The following PC variants were observed in gnomAD, a reference collection of about 807,000 sequenced individuals.
The protein encoded by PC is pyruvate carboxylase.
A neutral mutation model predicts 107.8 loss-of-function variants in PC; 46 were observed. That is an observed-to-expected ratio of 0.43 (90% CI 0.34 to 0.55). The LOEUF is 0.55. PC is among the 20% of genes least tolerant of loss of function. The pLI is 0.04. For missense variants in PC, 1,241 were observed against 1,643.1 expected (o/e 0.76, Z 4.23); for synonymous variants, 662 against 684.7 (o/e 0.97, Z 0.52).
intron 11 of PC, among the ~76,000 whole-genome samples, chr11:66,864,874 G>T (rs1355694298): frequency 6.6e-6 from 1 of 152,178 alleles, no homozygotes; most frequent in East Asian, 1.9e-4. Context: ...GAAGGGGAGT[G>T]GGGGGACCGC....
chr11:66,936,081 A>C (rs1471585510), intron 3 of PC, among the ~76,000 whole-genome samples: 1 of 105,222 alleles, frequency 9.5e-6, no homozygotes, highest in African/African-American at 4.3e-5. Context: ...CCTGTCTCAA[A>C]AAAAAAAAAA....
At chr11:66,864,225 C>A (rs953166550) in intron 11 of PC, among the ~76,000 whole-genome samples, 2 of 152,232 alleles carry the variant, frequency 1.3e-5, no homozygotes, top group Non-Finnish European at 2.9e-5. Flanking sequence ...GAATGCCTGC[C>A]GCAGAGCGGG....
intron 3 of PC, among the ~76,000 whole-genome samples, chr11:66,938,174 TTTC>T (rs1275700731): frequency 2.0e-5 from 3 of 152,258 alleles, no homozygotes; most frequent in African/African-American, 7.2e-5. Context: ...TGAACCATAC[TTTC>T]TTGTTTCTTT....
At position 66,850,281 on chromosome 11, in the gene PC, T is replaced by C. The variant is rs796052027; in HGVS notation, c.2657A>G (p.Lys886Arg). ...FQAHSMGLGSKFKEVKKAYVE... is the reference protein window; with the variant it reads ...FQAHSMGLGSRFKEVKKAYVE... ...ATAGGCCTTCTTGACCTCCTTGAAC[T>C]TGGAGCCAAGCCCCATGCTGTGGGC... Residue 886 changes from lysine to arginine, a missense_variant, in exon 19 of 23, where the codon AAG becomes AGG. Transcript: ENST00000393960. The C allele has an allele frequency of 2.9e-5, 46 of 1,613,978 alleles. No homozygotes were observed. Among genetic ancestry groups the C allele is most frequent in the Non-Finnish European group, 3.7e-5 (44 of 1,180,022 alleles).
intron 3 of PC, among the ~76,000 whole-genome samples, chr11:66,879,603 T>G (rs1013691711): frequency 6.6e-6 from 1 of 152,112 alleles, no homozygotes; most frequent in Admixed American, 6.5e-5. Flanking sequence ...TGGGCTGCAA[T>G]CAGGGGAAGG....
rs1409666621 is a variant in PC, at chr11:66,858,751, T to TA, written c.1368+5022dup. ...GCCCGGGCTTTCCCCAACGGGACCT[T>TA]AGAGATTGGGGTGACCGGCGCTGGG... On this transcript the variant is annotated intron_variant, in intron 12 of 22. Coordinates refer to ENST00000393960, the MANE Select transcript of PC (RefSeq NM_001040716.2). The surrounding 1 kb of genome is among the most constrained non-coding windows in gnomAD (Gnocchi z 5.9). 1.9e-6 allele frequency: 3 copies of TA among 1,554,074 alleles called. No individual in the cohort carries two copies. Among genetic ancestry groups the TA allele is most frequent in the Non-Finnish European group, 2.6e-6 (3 of 1,149,202 alleles).
At chr11:66,853,887 C>T (rs1565217751) in intron 12 of PC, among the ~76,000 whole-genome samples, 1 of 152,272 alleles carries the variant, frequency 6.6e-6, no homozygotes. Flanking sequence ...ACACCACATG[C>T]TCCCCAGGAG....
intron 3 of PC, among the ~76,000 whole-genome samples, chr11:66,922,988 C>G (rs1199578706): frequency 2.0e-5 from 3 of 152,192 alleles, no homozygotes; most frequent in Non-Finnish European, 4.4e-5. Context: ...AATGGCCCAC[C>G]ATTGCTGCCA....
chr11:66,887,549 G>C (rs1947418416), intron 3 of PC, among the ~76,000 whole-genome samples: 1 of 152,158 alleles, frequency 6.6e-6, no homozygotes. Context: ...TTAGAAGATA[G>C]TTTGGGACAT....
rs1205790880 is a variant in PC, at chr11:66,851,297, G to A, written c.1983-17C>T. ...TCACAGAACCTGCAAGGGTGAGAGA[G>A]CCCAGGGCTGAGCCCCACCCCACCT... On this transcript the variant is annotated splice_polypyrimidine_tract_variant and intron_variant, in intron 16 of 22. Transcript: ENST00000393960. 6.3e-7 allele frequency: 1 copy of A among 1,599,744 alleles called. No individual in the cohort carries two copies. The highest frequency in any genetic ancestry group is 8.5e-7 in the Non-Finnish European group (1 of 1,179,940).
Position 66,934,503 on chromosome 11 carries a change from G to A in PC, c.-1+17927C>T, listed in dbSNP as rs548322354. On this transcript the variant is annotated intron_variant, in intron 3 of 22. Transcript: ENST00000393960. ...CTTACTGCCCTCATTTTATAGATGAGGAAACCAAGGCTTGAAGAAGCTAAG... is the reference window on the plus strand; with the variant it reads ...CTTACTGCCCTCATTTTATAGATGAAGAAACCAAGGCTTGAAGAAGCTAAG... The A allele has an allele frequency of 9.7e-5, 15 of 154,246 alleles. No individual in the cohort carries two copies. In the South Asian group the frequency reaches 2.9e-3, roughly 30 times the overall value. 9.6% of individuals were successfully genotyped at this position (154,246 alleles called of 1,614,324 possible).
chr11:66,862,269 C>T (rs929228567), intron 12 of PC, among the ~76,000 whole-genome samples: 14 of 152,178 alleles, frequency 9.2e-5, no homozygotes, highest in African/African-American at 3.4e-4. Flanking sequence ...GGAAGAGTAA[C>T]ACCCCCTGGC....
chr11:66,946,059 G>A (rs922563475), intron 3 of PC, among the ~76,000 whole-genome samples: 20 of 143,096 alleles, frequency 1.4e-4, no homozygotes, highest in African/African-American at 5.2e-4. Flanking sequence ...GCAGTCCGCA[G>A]TCCGGCCTGG....
chr11:66,859,592 G>A (rs1946113143), intron 12 of PC: 14 of 1,610,066 alleles, frequency 8.7e-6, no homozygotes, highest in Non-Finnish European at 1.2e-5. Context: ...TGAGGATGGG[G>A]CTAGACCCCA....
At chr11:66,928,270 C>T (rs1008099649) in intron 3 of PC, among the ~76,000 whole-genome samples, 1 of 151,682 alleles carries the variant, frequency 6.6e-6, no homozygotes, top group African/African-American at 2.4e-5. Flanking sequence ...ACCTGTAGTC[C>T]CAGCTACCTG....
Position 66,852,347 on chromosome 11 carries a change from T to C in PC, c.1825+92A>G. 2.8e-6 allele frequency: 3 copies of C among 1,054,270 alleles called. No individual in the cohort carries two copies. The highest frequency in any genetic ancestry group is 4.4e-6 in the Non-Finnish European group (3 of 676,206). The allele number at this position is 1,054,270 out of a possible 1,614,324, so 65.3% of individuals were successfully genotyped here. On this transcript the variant is annotated intron_variant, in intron 15 of 22. Transcript: ENST00000393960. The surrounding 1 kb of genome is among the most constrained non-coding windows in gnomAD (Gnocchi z 4.7). ...CTCTTTGGTGTTCTTCGTGTCAGCG[T>C]CTCTAGCTTGTCCCCAGTGGCCTAA... is the stretch of plus-strand genomic sequence containing the variant.
Position 66,858,133 on chromosome 11 carries a change from A to C in PC, c.1369-4750T>G, listed in dbSNP as rs1240578770. 6.2e-7 allele frequency: 1 copy of C among 1,610,626 alleles called. No individual in the cohort carries two copies. Among genetic ancestry groups the C allele is most frequent in the Non-Finnish European group, 8.5e-7 (1 of 1,178,806 alleles). The stretch of plus-strand genomic sequence containing the variant: ...CTGCAGCACCTCATCCTCAGCGGCA[A>C]CCAGCTGGGCCGCATCGCGCCGGGA... On this transcript the variant is annotated intron_variant, in intron 12 of 22. Coordinates refer to ENST00000393960, the MANE Select transcript of PC (RefSeq NM_001040716.2). The surrounding 1 kb of genome is among the most constrained non-coding windows in gnomAD (Gnocchi z 5.9).
At chr11:66,949,493 G>C (rs1442889026) in intron 3 of PC, among the ~76,000 whole-genome samples, 1 of 151,628 alleles carries the variant, frequency 6.6e-6, no homozygotes, top group Admixed American at 6.6e-5. Flanking sequence ...TCAGGAGTTC[G>C]AGACCAGCCT....
intron 18 of PC, 91 bp from the exon 19 acceptor site, chr11:66,850,555 G>A: frequency 6.2e-7 from 1 of 1,606,118 alleles, no homozygotes; most frequent in Admixed American, 1.7e-5. Context: ...TGACTCAGGT[G>A]ACAGAAGGCG....
Sources: gnomAD v4.1 joint callset for allele counts (sites outside exome capture counted in the v4.1 genomes callset) on GRCh38, gnomAD v4.1.1 for gene constraint, Gnocchi (gnomAD v3.1) non-coding constraint, MANE v1.5 for transcripts, NCBI Gene and HGNC (gene_info 2026-07-23, HGNC 2026-07-21) for gene names.